Variants in RHOT1 observed in about 807,000 individuals in gnomAD.
RHOT1 encodes the protein ras homolog family member T1.
A neutral mutation model predicts 95.3 loss-of-function variants in RHOT1; 27 were observed. The ratio of observed to expected loss-of-function variants is 0.28; its 90% CI spans 0.21 to 0.39. RHOT1 has a LOEUF of 0.39. RHOT1 is among the 10% of genes least tolerant of loss of function. The pLI is 1.00. For missense variants in RHOT1, 578 were observed against 786.7 expected, an observed-to-expected ratio of 0.73 and a Z score of 3.17; for synonymous variants, 227 against 263.5, an observed-to-expected ratio of 0.86 and a Z score of 1.34.
Position 32,224,966 on chromosome 17 carries a change from G to A in RHOT1, c.*233G>A. The A allele has an allele frequency of 3.2e-6, 1 of 313,894 alleles. No homozygotes were observed. The highest frequency in any genetic ancestry group is 5.2e-5 in the South Asian group (1 of 19,410). The allele number at this position is 313,894 out of a possible 1,614,324, so 19.4% of individuals were successfully genotyped here. On this transcript the variant is annotated 3_prime_UTR_variant, in exon 20 of 20. Transcript: ENST00000545287. Reference sequence around the variant, plus strand: ...ATGGCTAAATTCCAGAGGCCAAAAGGGAATATTTTGTAAATATATGTACAT... The same window carrying A: ...ATGGCTAAATTCCAGAGGCCAAAAGAGAATATTTTGTAAATATATGTACAT...
chr17:32,171,833 C>T (rs1305712968), intron 2 of RHOT1, among the ~76,000 whole-genome samples: 2 of 152,134 alleles, frequency 1.3e-5, no homozygotes, highest in East Asian at 3.9e-4. Context: ...ACTCATTCCA[C>T]CTTTGCCTAC....
intron 1 of RHOT1, among the ~76,000 whole-genome samples, chr17:32,157,486 C>T (rs2033080769): frequency 1.3e-5 from 2 of 152,064 alleles, no homozygotes; most frequent in South Asian, 4.1e-4. Context: ...TGGAAGGTTG[C>T]CTAGATATTA....
At chr17:32,190,476 C>CA (rs2036407736) in intron 8 of RHOT1, among the ~76,000 whole-genome samples, 1 of 151,810 alleles carries the variant, frequency 6.6e-6, no homozygotes, top group African/African-American at 2.4e-5. Context: ...GAGAAAAGTG[C>CA]ATTGTTTATT....
chr17:32,159,070 A>G (rs73286110), intron 1 of RHOT1, among the ~76,000 whole-genome samples: 6,231 of 152,134 alleles, frequency 0.041, 429 homozygotes, highest in African/African-American at 0.14. Context: ...AGCCTCCACT[A>G]TGGCCTCAAC....
At chr17:32,197,520 G>A (rs1171821096) in intron 11 of RHOT1, among the ~76,000 whole-genome samples, 1 of 151,978 alleles carries the variant, frequency 6.6e-6, no homozygotes, top group Non-Finnish European at 1.5e-5. Flanking sequence ...CGCCTCCCAG[G>A]TTCATCGACA....
chr17:32,193,078 AT>A lies in RHOT1; in HGVS notation c.640-56del. On this transcript the variant is annotated intron_variant, in intron 9 of 19. Transcript: ENST00000545287. ...ATTGCTTTGTAGATTATCATTTTATATTATTTGTGGTTTTAACGCTGGTTTG... is the reference window on the plus strand; with the variant it reads ...ATTGCTTTGTAGATTATCATTTTATATATTTGTGGTTTTAACGCTGGTTTG... 4 of 990,316 alleles carry A rather than the reference AT, an allele frequency of 4.0e-6. No homozygotes were observed. The South Asian group carries it at 5.7e-5, about 14-fold the overall frequency. The allele number at this position is 990,316 out of a possible 1,614,324, so 61.3% of individuals were successfully genotyped here.
chr17:32,164,030 C>T (rs1395773017), intron 1 of RHOT1, among the ~76,000 whole-genome samples: 6 of 152,054 alleles, frequency 3.9e-5, no homozygotes, highest in Non-Finnish European at 7.3e-5. Flanking sequence ...TGGTGTGCAC[C>T]TGTAGTCCCA....
In RHOT1 at chr17:32,176,511, C is replaced by T. The variant is rs2035013844; in HGVS notation, c.329+298C>T. ...TTTTGGTCATAAATCTTACATTTCTCTTCCTCAAACTGCTGCTTGAAAAGT... is the reference window on the plus strand; with the variant it reads ...TTTTGGTCATAAATCTTACATTTCTTTTCCTCAAACTGCTGCTTGAAAAGT... On this transcript the variant is annotated intron_variant, in intron 6 of 19. Transcript: ENST00000545287. Among the ~76,000 whole-genome samples, 3 of 152,054 alleles carry T rather than the reference C, an allele frequency of 2.0e-5. No homozygotes were observed. In the South Asian group the frequency reaches 6.2e-4, roughly 32 times the overall value.
In RHOT1 at chr17:32,149,591, CTATATATATATATATATATATATATATA is replaced by C. The variant is rs1162059092; in HGVS notation, c.37+6880_37+6907del. Reference sequence around the variant, plus strand: ...GGTGAATCACTTGAGCCCAGCAGTTCTATATATATATATATATATATATATATATATATATATATATATATGTGTGTGT... The same window carrying C: ...GGTGAATCACTTGAGCCCAGCAGTTCTATATATATATATATATGTGTGTGT... On this transcript the variant is annotated intron_variant, in intron 1 of 19. Coordinates refer to ENST00000545287, the MANE Select transcript of RHOT1 (RefSeq NM_001033566.3). 1.7e-3 allele frequency among the ~76,000 whole-genome samples: 88 copies of C among 52,696 alleles called. 1 individual carries two copies. The highest frequency in any genetic ancestry group is 2.8e-3 in the African/African-American group (57 of 20,572). 34.6% of individuals were successfully genotyped at this position (52,696 alleles called of 152,430 possible). A position where few individuals can be genotyped will look rare whatever the true frequency, so the allele number is the denominator to read the frequency against.
intron 11 of RHOT1, 86 bp from the exon 12 acceptor site, chr17:32,198,861 C>A: frequency 1.1e-6 from 1 of 873,130 alleles, no homozygotes; most frequent in Non-Finnish European, 1.8e-6. Context: ...TGTTACCTCA[C>A]AAAAGACTTG....
At chr17:32,211,276 T>G in intron 19 of RHOT1, 38 bp downstream of exon 19, 1 of 1,534,482 alleles carries the variant, frequency 6.5e-7, no homozygotes, top group Non-Finnish European at 8.9e-7. Context: ...GGCATTCTGT[T>G]AAAATACAAA....
At chr17:32,209,279 T>C (rs2037966929) in intron 18 of RHOT1, 3 of 749,032 alleles carry the variant, frequency 4.0e-6, no homozygotes, top group African/African-American at 1.8e-5. Flanking sequence ...TCATTCCTAT[T>C]ATTATAGAAT....
chr17:32,181,293 C>A (rs1275058862), intron 6 of RHOT1, among the ~76,000 whole-genome samples: 1 of 152,182 alleles, frequency 6.6e-6, no homozygotes, highest in African/African-American at 2.4e-5. Flanking sequence ...TCCCTGCCTA[C>A]TCGCTGCCAA....
At chr17:32,207,994 G>T in intron 17 of RHOT1, 113 bp from the exon 18 acceptor site, 1 of 865,394 alleles carries the variant, frequency 1.2e-6, no homozygotes, top group South Asian at 1.7e-5. Flanking sequence ...TCACTTTTTC[G>T]CTTTGAAACT....
intron 8 of RHOT1, among the ~76,000 whole-genome samples, chr17:32,190,344 A>G (rs1389481751): frequency 6.6e-6 from 1 of 151,996 alleles, no homozygotes; most frequent in Non-Finnish European, 1.5e-5. Flanking sequence ...AGACCCAGCT[A>G]CTCGGGAGAC....
chr17:32,173,325 T>A (rs991416034), intron 2 of RHOT1, among the ~76,000 whole-genome samples: 2 of 152,220 alleles, frequency 1.3e-5, no homozygotes, highest in Non-Finnish European at 2.9e-5. Flanking sequence ...ACTTACCAGT[T>A]GAGCATTTCC....
At chr17:32,176,647 C>T (rs1221769718) in intron 6 of RHOT1, among the ~76,000 whole-genome samples, 1 of 151,776 alleles carries the variant, frequency 6.6e-6, no homozygotes, top group Non-Finnish European at 1.5e-5. Flanking sequence ...ATCTTGGCTC[C>T]TTGCAGCCTC....
chr17:32,167,803 G>C (rs116080537), intron 1 of RHOT1, among the ~76,000 whole-genome samples: 193 of 152,294 alleles, frequency 1.3e-3, no homozygotes, highest in African/African-American at 4.5e-3. Context: ...GGGAGACCAA[G>C]ACAGGAGGAT....
At chr17:32,195,966 T>A (rs983184091) in intron 11 of RHOT1, among the ~76,000 whole-genome samples, 2 of 152,216 alleles carry the variant, frequency 1.3e-5, no homozygotes, top group Non-Finnish European at 2.9e-5. Flanking sequence ...CTTGTCGCAT[T>A]GTGGCTTACA....
Sources: gnomAD v4.1 joint callset for allele counts (sites outside exome capture counted in the v4.1 genomes callset) on GRCh38, gnomAD v4.1.1 for gene constraint, MANE v1.5 for transcripts, NCBI Gene and HGNC (gene_info 2026-07-23, HGNC 2026-07-21) for gene names.